The following PXDNL variants were observed in gnomAD, a reference collection of about 807,000 sequenced individuals.
The protein encoded by PXDNL is probable oxidoreductase PXDNL.
Under a neutral mutation model 150.8 loss-of-function variants are expected in PXDNL, and 145 were observed. The observed-to-expected ratio is 0.96, with a 90% CI of 0.84 to 1.10. The LOEUF (loss-of-function observed/expected upper bound fraction) is 1.10. PXDNL is among the 50% of genes least tolerant of loss of function. The probability of loss-of-function intolerance (pLI) is 0.00; values close to 1 mark genes in which losing one functional copy is unlikely to be tolerated. For missense variants in PXDNL, 2,087 were observed against 1,873.9 expected (o/e 1.11, Z -2.10); for synonymous variants, 757 against 725.7 (o/e 1.04, Z -0.69).
rs553139379 is a variant in PXDNL at position 51,435,114 on chromosome 8, C to T, written c.1526-8356G>A. ...CGGGCAGATCACAAGGTCAGGAGAT[C>T]GGAGACCATCCTGGCTAACATGGTG... On this transcript the variant is annotated intron_variant, in intron 12 of 22. Coordinates refer to ENST00000356297, the MANE Select transcript of PXDNL (RefSeq NM_144651.5). Among the ~76,000 whole-genome samples, 7 of 152,064 alleles carry T rather than the reference C, an allele frequency of 4.6e-5. No homozygotes were observed. In the South Asian group the frequency reaches 1.0e-3, roughly 23 times the overall value.
At chr8:51,393,855 A>G (rs1228098604) in intron 17 of PXDNL, among the ~76,000 whole-genome samples, 2 of 152,270 alleles carry the variant, frequency 1.3e-5, no homozygotes, top group African/African-American at 4.8e-5. Context: ...GAAAGGGCAC[A>G]GCCCTGATTT....
chr8:51,481,735 A>G (rs188580613), intron 6 of PXDNL, among the ~76,000 whole-genome samples: 6 of 152,332 alleles, frequency 3.9e-5, no homozygotes, highest in East Asian at 1.9e-4. Flanking sequence ...CATACTTCTG[A>G]GGCCATTGCT....
Position 51,409,545 on chromosome 8 carries a change from G to A in PXDNL, c.2079C>T (p.Asp693=). ...DLEGKEFRYN[D]LVSPRSLSLI... ...GGCTGAGGGAGCGCGGGGACACCAA[G>A]TCATTGTACCGGAATTCTGAAAGGC... Residue 693 remains aspartate (D), a synonymous_variant, in exon 17 of 23, where the codon GAC becomes GAT. Coordinates refer to ENST00000356297, the MANE Select transcript of PXDNL (RefSeq NM_144651.5). 1 of 1,586,794 alleles carries A rather than the reference G, an allele frequency of 6.3e-7. No individual in the cohort carries two copies. Among genetic ancestry groups the A allele is most frequent in the Admixed American group, 1.8e-5 (1 of 56,436 alleles).
chr8:51,437,316 A>C (rs1809430991), intron 12 of PXDNL, among the ~76,000 whole-genome samples: 1 of 152,184 alleles, frequency 6.6e-6, no homozygotes, highest in African/African-American at 2.4e-5. Flanking sequence ...GAGACGGGGG[A>C]ATTTTCCCTA....
intron 1 of PXDNL, among the ~76,000 whole-genome samples, chr8:51,755,272 T>C (rs990226256): frequency 6.6e-6 from 1 of 150,666 alleles, no homozygotes; most frequent in African/African-American, 2.4e-5. Context: ...TGGTCATATA[T>C]TTATGATGAT....
chr8:51,612,655 C>A (rs929457301), intron 2 of PXDNL, among the ~76,000 whole-genome samples: 3 of 152,074 alleles, frequency 2.0e-5, no homozygotes, highest in Non-Finnish European at 4.4e-5. Flanking sequence ...ATAAAAGAGA[C>A]CCCCACAGAG....
rs1192691886 is a variant in PXDNL at position 51,320,783 on chromosome 8, C to A, written c.4260+1G>T. 1 of 1,610,736 alleles carries A rather than the reference C, an allele frequency of 6.2e-7. No individual in the cohort carries two copies. The highest frequency in any genetic ancestry group is 8.5e-7 in the Non-Finnish European group (1 of 1,177,478). On this transcript the variant is annotated splice_donor_variant, in intron 22 of 22. Coordinates refer to ENST00000356297, the MANE Select transcript of PXDNL (RefSeq NM_144651.5). LOFTEE classifies it high-confidence loss of function. ...TGGACTGGAAAACTCGCAGCACAAA[C>A]CTCACAAATGCAGTGAGTGCAGTCT...
chr8:51,613,916 A>G (rs1264986750), intron 2 of PXDNL, among the ~76,000 whole-genome samples: 1 of 152,144 alleles, frequency 6.6e-6, no homozygotes, highest in Non-Finnish European at 1.5e-5. Context: ...TATTCTATTT[A>G]TGTACTGTTA....
At chr8:51,362,815 G>C (rs1180991381) in intron 19 of PXDNL, among the ~76,000 whole-genome samples, 1 of 152,094 alleles carries the variant, frequency 6.6e-6, no homozygotes, top group Non-Finnish European at 1.5e-5. Flanking sequence ...TAGAAGATCT[G>C]CTTCTGTGTT....
intron 20 of PXDNL, among the ~76,000 whole-genome samples, chr8:51,343,106 AT>A (rs1008448860): frequency 6.6e-6 from 1 of 152,214 alleles, no homozygotes; most frequent in African/African-American, 2.4e-5. Flanking sequence ...TACCAAAAAC[AT>A]AAAACTCAAC....
chr8:51,477,394 A>G (rs76179961), intron 6 of PXDNL, among the ~76,000 whole-genome samples: 2,023 of 152,310 alleles, frequency 0.013, 41 homozygotes, highest in African/African-American at 0.046. Context: ...AAAGTAGGGA[A>G]TTCTGTCAGC....
intron 17 of PXDNL, among the ~76,000 whole-genome samples, chr8:51,382,386 T>G (rs1807576234): frequency 6.6e-6 from 1 of 152,176 alleles, no homozygotes; most frequent in Non-Finnish European, 1.5e-5. Flanking sequence ...TTCTGATGTC[T>G]TAAGCCACCC....
chr8:51,525,096 CTAAGTT>C (rs1308772109), intron 4 of PXDNL, among the ~76,000 whole-genome samples: 34 of 151,604 alleles, frequency 2.2e-4, no homozygotes, highest in Middle Eastern at 3.4e-3. Context: ...AAATTGCTAG[CTAAGTT>C]TATGTGTCAC....
intron 12 of PXDNL, among the ~76,000 whole-genome samples, chr8:51,446,158 G>A (rs1430102904): frequency 6.6e-6 from 1 of 152,180 alleles, no homozygotes; most frequent in African/African-American, 2.4e-5. Flanking sequence ...GAACATGTCA[G>A]CATTCCCAGT....
At chr8:51,636,864 T>A (rs1436635859) in intron 2 of PXDNL, among the ~76,000 whole-genome samples, 3 of 151,586 alleles carry the variant, frequency 2.0e-5, no homozygotes, top group Non-Finnish European at 4.4e-5. Context: ...CAGCATGGAG[T>A]GTGAGATCTG....
At chr8:51,787,085 G>T (rs932239346) in intron 1 of PXDNL, among the ~76,000 whole-genome samples, 1 of 136,676 alleles carries the variant, frequency 7.3e-6, no homozygotes, top group African/African-American at 2.9e-5. Flanking sequence ...GTCTACTGCT[G>T]CAACCTACTT....
At chr8:51,765,879 T>A (rs1461442332) in intron 1 of PXDNL, among the ~76,000 whole-genome samples, 1 of 151,402 alleles carries the variant, frequency 6.6e-6, no homozygotes, top group Non-Finnish European at 1.5e-5. Context: ...AGTCTCACTC[T>A]ATCCCCCAGG....
chr8:51,707,221 C>T (rs919615898), intron 1 of PXDNL, among the ~76,000 whole-genome samples: 1 of 152,140 alleles, frequency 6.6e-6, no homozygotes, highest in African/African-American at 2.4e-5. Context: ...TTAATAAAAA[C>T]AGAGGCAGAC....
At chr8:51,577,995 GAAAGAGGAAGGA>G (rs1563471162) in intron 3 of PXDNL, among the ~76,000 whole-genome samples, 127 of 47,750 alleles carry the variant, frequency 2.7e-3, no homozygotes, top group Admixed American at 3.3e-3. Flanking sequence ...AAGAAAGAAA[GAAAGAGGAAGGA>G]AGGAAGGAAG....
Sources: gnomAD v4.1 joint callset for allele counts (sites outside exome capture counted in the v4.1 genomes callset) on GRCh38, gnomAD v4.1.1 for gene constraint, MANE v1.5 for transcripts, NCBI Gene and HGNC (gene_info 2026-07-23, HGNC 2026-07-21) for gene names.